Variants in EYS observed in about 807,000 individuals in gnomAD.
EYS encodes the protein protein eyes shut homolog.
Under a neutral mutation model 282.1 loss-of-function variants are expected in EYS, and 250 were observed. The ratio of observed to expected loss-of-function variants is 0.89; its 90% CI spans 0.80 to 0.98. The LOEUF is 0.98. Ranked by LOEUF, EYS falls within the 50% of genes least tolerant of loss-of-function variation. The pLI, the probability that EYS is intolerant of heterozygous loss-of-function variation, is 0.00. For synonymous variants in EYS, 1,355 were observed against 1,282.9 expected, an observed-to-expected ratio of 1.06 and a Z score of -1.20; for missense variants, 4,016 against 3,709.0, an observed-to-expected ratio of 1.08 and a Z score of -2.15.
chr6:65,618,090 A>T (rs1458255184), intron 2 of EYS, among the ~76,000 whole-genome samples: 2 of 152,188 alleles, frequency 1.3e-5, no homozygotes, highest in South Asian at 2.1e-4. Context: ...GCTGGGTCAA[A>T]TGGTATTTCT....
intron 1 of EYS, among the ~76,000 whole-genome samples, chr6:65,663,870 T>TC (rs994571883): frequency 7.3e-5 from 5 of 68,616 alleles, no homozygotes; most frequent in East Asian, 5.5e-4. Flanking sequence ...TCTTTTCTTT[T>TC]TTTTTTTTTT....
At chr6:65,415,750 A>G (rs1033906424) in intron 5 of EYS, among the ~76,000 whole-genome samples, 1 of 152,090 alleles carries the variant, frequency 6.6e-6, no homozygotes, top group Admixed American at 6.6e-5. Context: ...ACAAAAATGA[A>G]GTCTAATGAA....
intron 19 of EYS, among the ~76,000 whole-genome samples, chr6:64,842,728 A>G (rs983171215): frequency 6.6e-6 from 1 of 152,216 alleles, no homozygotes; most frequent in African/African-American, 2.4e-5. Flanking sequence ...GATTTGTGGA[A>G]CTTTGAACTT....
At chr6:65,276,634 T>C (rs1268343907) in intron 12 of EYS, among the ~76,000 whole-genome samples, 4 of 151,984 alleles carry the variant, frequency 2.6e-5, no homozygotes, top group African/African-American at 7.2e-5. Context: ...CAATGCTCTT[T>C]GATGAAGGTC....
chr6:64,546,215 C>A (rs1246927098), intron 26 of EYS, among the ~76,000 whole-genome samples: 1 of 152,080 alleles, frequency 6.6e-6, no homozygotes. Flanking sequence ...AGAAATAAGG[C>A]CGCATATCTA....
intron 29 of EYS, among the ~76,000 whole-genome samples, chr6:64,380,927 A>C (rs1772725377): frequency 1.3e-5 from 2 of 151,518 alleles, no homozygotes; most frequent in Admixed American, 1.3e-4. Flanking sequence ...AGGCAGGAGA[A>C]TTGCTTGAAC....
At chr6:64,905,375 T>C (rs1767791721) in intron 16 of EYS, among the ~76,000 whole-genome samples, 1 of 152,216 alleles carries the variant, frequency 6.6e-6, no homozygotes. Context: ...AATTTTATGC[T>C]GTTCCCCTGT....
At position 63,824,720 on chromosome 6, in the gene EYS, T is replaced by C. The variant is rs542753202; in HGVS notation, c.7229-18348A>G. Among the ~76,000 whole-genome samples the C allele has an allele frequency of 3.9e-5, 6 of 152,150 alleles. No individual in the cohort carries two copies. In the South Asian group the frequency reaches 1.2e-3, roughly 32 times the overall value. ...AGTTAGAGAGCCGAGCCAAGTGAAA[T>C]ACAGGGGTAGAGGAAGCAGCAGAAA... On this transcript the variant is annotated intron_variant, in intron 36 of 42. Transcript: ENST00000503581.
intron 36 of EYS, among the ~76,000 whole-genome samples, chr6:63,819,487 G>A (rs1177913541): frequency 6.6e-6 from 1 of 152,188 alleles, no homozygotes; most frequent in Non-Finnish European, 1.5e-5. Context: ...CTGAATCTGT[G>A]TAGTATGATT....
intron 26 of EYS, among the ~76,000 whole-genome samples, chr6:64,466,453 A>C (rs892247275): frequency 6.6e-6 from 1 of 152,174 alleles, no homozygotes; most frequent in Non-Finnish European, 1.5e-5. Flanking sequence ...TTTGCAAGAC[A>C]AAAGATGAAG....
chr6:64,953,610 A>G (rs1238517624), intron 14 of EYS, among the ~76,000 whole-genome samples: 1 of 151,856 alleles, frequency 6.6e-6, no homozygotes, highest in East Asian at 1.9e-4. Context: ...TCTTAATATG[A>G]TTTCTTTCAG....
At chr6:63,978,277 G>C (rs2128355) in intron 35 of EYS, among the ~76,000 whole-genome samples, 55,114 of 151,714 alleles carry the variant, frequency 0.36, 10,117 homozygotes, top group African/African-American at 0.41. Flanking sequence ...AGCTTTCCCC[G>C]CCACCTGTTT....
chr6:64,348,018 G>A (rs1385757028), intron 29 of EYS, among the ~76,000 whole-genome samples: 1 of 151,284 alleles, frequency 6.6e-6, no homozygotes, highest in Non-Finnish European at 1.5e-5. Context: ...TGTTAAACGA[G>A]ATCTTGTGTT....
At chr6:65,316,791 C>T (rs1769306131) in intron 11 of EYS, among the ~76,000 whole-genome samples, 1 of 152,082 alleles carries the variant, frequency 6.6e-6, no homozygotes, top group Admixed American at 6.5e-5. Flanking sequence ...CATCCACGTC[C>T]CTGCAAAGGA....
intron 2 of EYS, among the ~76,000 whole-genome samples, chr6:65,609,020 A>G (rs1054906565): frequency 6.6e-6 from 1 of 152,122 alleles, no homozygotes; most frequent in African/African-American, 2.4e-5. Flanking sequence ...TAGAAAGAAT[A>G]CAATCTAAAA....
chr6:63,920,504 C>T (rs1258657038), intron 35 of EYS, among the ~76,000 whole-genome samples: 3 of 152,202 alleles, frequency 2.0e-5, no homozygotes, highest in African/African-American at 4.8e-5. Context: ...ACAGTATTTC[C>T]TTCCCGTTGG....
At chr6:65,359,026 T>C (rs946366049) in intron 8 of EYS, among the ~76,000 whole-genome samples, 1 of 152,062 alleles carries the variant, frequency 6.6e-6, no homozygotes, top group African/African-American at 2.4e-5. Context: ...ATCTTACTTT[T>C]GACAGTGAAC....
intron 36 of EYS, among the ~76,000 whole-genome samples, chr6:63,840,235 A>ATTATTG (rs112733240): frequency 0.29 from 42,575 of 145,322 alleles, 6,496 homozygotes; most frequent in Admixed American, 0.35. Context: ...TATTATTATT[A>ATTATTG]TTGTATTTTT....
At chr6:64,613,925 C>T (rs926992351) in intron 24 of EYS, among the ~76,000 whole-genome samples, 6 of 152,108 alleles carry the variant, frequency 3.9e-5, no homozygotes. Flanking sequence ...TTTACCAGAG[C>T]TTAGTTGACC....
Sources: gnomAD v4.1 joint callset for allele counts (sites outside exome capture counted in the v4.1 genomes callset) on GRCh38, gnomAD v4.1.1 for gene constraint, MANE v1.5 for transcripts, NCBI Gene and HGNC (gene_info 2026-07-23, HGNC 2026-07-21) for gene names.